Variants in GRM8 observed in about 807,000 individuals in gnomAD.
GRM8 encodes the protein glutamate metabotropic receptor 8.
In GRM8, 47 loss-of-function variants were observed where a neutral mutation model predicts 87.2. The observed-to-expected ratio is 0.54, with a 90% CI of 0.43 to 0.69. The LOEUF (loss-of-function observed/expected upper bound fraction) is 0.69. Among genes scored for constraint, GRM8 ranks in the 30% least tolerant of loss-of-function variants. The probability of loss-of-function intolerance (pLI) is 0.00; values close to 1 mark genes in which losing one functional copy is unlikely to be tolerated. For missense variants in GRM8, 1,019 were observed against 1,139.2 expected (o/e 0.89, Z 1.52); for synonymous variants, 396 against 404.5 (o/e 0.98, Z 0.25).
At chr7:126,444,377 T>C (rs1490044855) in intron 10 of GRM8, among the ~76,000 whole-genome samples, 4 of 152,114 alleles carry the variant, frequency 2.6e-5, no homozygotes, top group Admixed American at 2.0e-4. Flanking sequence ...TAATGATTTG[T>C]TACTAAAGCC....
At chr7:126,661,376 TTTATATCTTCTAATATAA>T (rs1308329231) in intron 7 of GRM8, among the ~76,000 whole-genome samples, 1 of 152,224 alleles carries the variant, frequency 6.6e-6, no homozygotes, top group Non-Finnish European at 1.5e-5. Context: ...AATTTGAATT[TTTATATCTTCTAATATAA>T]AACATATGTT....
intron 8 of GRM8, among the ~76,000 whole-genome samples, chr7:126,556,337 TAAAAA>T (rs3038820): frequency 2.7e-5 from 3 of 111,314 alleles, no homozygotes; most frequent in South Asian, 3.4e-4. Flanking sequence ...TTCTCCTCTT[TAAAAA>T]AAAAAAAAAA....
At chr7:126,967,817 T>C (rs955859903) in intron 3 of GRM8, among the ~76,000 whole-genome samples, 24 of 152,174 alleles carry the variant, frequency 1.6e-4, no homozygotes, top group Admixed American at 4.6e-4. Flanking sequence ...TTGAAAAGAA[T>C]AGTCCTCGCT....
At chr7:126,724,702 A>G (rs1417521912) in intron 7 of GRM8, among the ~76,000 whole-genome samples, 1 of 152,066 alleles carries the variant, frequency 6.6e-6, no homozygotes, top group Non-Finnish European at 1.5e-5. Flanking sequence ...ACATTTTAAA[A>G]TATGTGCCTG....
chr7:126,504,098 T>C (rs2150709745), intron 9 of GRM8, among the ~76,000 whole-genome samples: 1 of 152,206 alleles, frequency 6.6e-6, no homozygotes, highest in African/African-American at 2.4e-5. Flanking sequence ...CATCTCATTT[T>C]TCTCATGGAG....
chr7:126,745,582 G>A (rs1019040548), intron 7 of GRM8, among the ~76,000 whole-genome samples: 2 of 151,236 alleles, frequency 1.3e-5, no homozygotes, highest in Non-Finnish European at 3.0e-5. Context: ...GTATTACCTT[G>A]TACTTTGCTT....
chr7:127,211,330 G>A (rs577528379), intron 2 of GRM8, among the ~76,000 whole-genome samples: 25 of 152,302 alleles, frequency 1.6e-4, no homozygotes, highest in African/African-American at 5.8e-4. Context: ...TGATGTTTGA[G>A]GGCAGGAAGC....
At chr7:126,637,368 G>A (rs73225000) in intron 7 of GRM8, among the ~76,000 whole-genome samples, 14 of 152,192 alleles carry the variant, frequency 9.2e-5, no homozygotes, top group Non-Finnish European at 1.6e-4. Context: ...TTCTGGAGAT[G>A]AGTAGTAGTG....
intron 3 of GRM8, among the ~76,000 whole-genome samples, chr7:126,932,932 G>A (rs1805919720): frequency 6.6e-6 from 1 of 152,130 alleles, no homozygotes; most frequent in Admixed American, 6.6e-5. Context: ...GAGATCTCAG[G>A]TTGTGGAGTT....
chr7:127,210,564 C>T (rs1242704408), intron 2 of GRM8, among the ~76,000 whole-genome samples: 3 of 152,154 alleles, frequency 2.0e-5, no homozygotes, highest in African/African-American at 7.2e-5. Context: ...TAAATAATCT[C>T]TAAGATGTCT....
intron 8 of GRM8, among the ~76,000 whole-genome samples, chr7:126,576,842 A>G (rs1795157438): frequency 6.6e-6 from 1 of 152,156 alleles, no homozygotes; most frequent in South Asian, 2.1e-4. Flanking sequence ...TCAAAGTCTA[A>G]TTATAAACCA....
chr7:127,058,111 G>A lies in GRM8; in HGVS notation c.727+48385C>T, dbSNP rs780456699. Reference sequence around the variant, plus strand: ...GCGTTGTGACGTCTTACGTCATGATGTTGCGTCACCACGTGATGACGCTGT... The same window carrying A: ...GCGTTGTGACGTCTTACGTCATGATATTGCGTCACCACGTGATGACGCTGT... On this transcript the variant is annotated intron_variant, in intron 3 of 10. Transcript: ENST00000339582. The A allele has an allele frequency of 9.0e-5, 46 of 513,386 alleles. No individual in the cohort carries two copies. In the Admixed American group the frequency reaches 9.5e-4, roughly 11 times the overall value. The allele number at this position is 513,386 out of a possible 1,614,324, so 31.8% of individuals were successfully genotyped here. A position where few individuals can be genotyped will look rare whatever the true frequency, so the allele number is the denominator to read the frequency against.
intron 2 of GRM8, among the ~76,000 whole-genome samples, chr7:127,144,557 C>T (rs1828449891): frequency 6.6e-6 from 1 of 152,014 alleles, no homozygotes; most frequent in Admixed American, 6.6e-5. Flanking sequence ...AAAATCATGA[C>T]CATTGTTAAA....
intron 3 of GRM8, among the ~76,000 whole-genome samples, chr7:127,025,966 A>G (rs990444320): frequency 6.6e-6 from 1 of 152,014 alleles, no homozygotes; most frequent in African/African-American, 2.4e-5. Context: ...CTCATCATTT[A>G]CATTAGGTAT....
intron 9 of GRM8, among the ~76,000 whole-genome samples, chr7:126,467,315 T>C (rs2150540705): frequency 6.6e-6 from 1 of 152,156 alleles, no homozygotes; most frequent in South Asian, 2.1e-4. Context: ...AATCTTATCA[T>C]TATGAATGGC....
At position 126,458,436 on chromosome 7, in the gene GRM8, T is replaced by C. The variant is rs547754295; in HGVS notation, c.2431-12064A>G. On this transcript the variant is annotated intron_variant, in intron 9 of 10. Transcript: ENST00000339582. ...AATGCAAGATATAATCATTAAATTATGCAAAGAATATATATACACACATAC... is the reference window on the plus strand; with the variant it reads ...AATGCAAGATATAATCATTAAATTACGCAAAGAATATATATACACACATAC... Among the ~76,000 whole-genome samples, 6 of 151,314 alleles carry C rather than the reference T, an allele frequency of 4.0e-5. No individual in the cohort carries two copies. In the East Asian group the frequency reaches 1.2e-3, roughly 30 times the overall value.
At chr7:127,148,798 A>C (rs1227065256) in intron 2 of GRM8, among the ~76,000 whole-genome samples, 2 of 152,118 alleles carry the variant, frequency 1.3e-5, no homozygotes, top group African/African-American at 4.8e-5. Context: ...CAAACACAGC[A>C]TAGTAATTTT....
chr7:126,656,812 A>G (rs1350759382), intron 7 of GRM8, among the ~76,000 whole-genome samples: 3 of 152,114 alleles, frequency 2.0e-5, no homozygotes, highest in Non-Finnish European at 4.4e-5. Flanking sequence ...GTTTATCATT[A>G]ATAATAATAA....
intron 3 of GRM8, among the ~76,000 whole-genome samples, chr7:126,994,193 C>G (rs1033200898): frequency 3.3e-4 from 51 of 152,276 alleles, no homozygotes; most frequent in African/African-American, 1.2e-3. Flanking sequence ...AGGCCTGCAT[C>G]CTAGGCCCTA....
Sources: allele counts gnomAD v4.1 joint callset (sites outside exome capture counted in the v4.1 genomes callset), GRCh38; gene constraint gnomAD v4.1.1; transcripts MANE v1.5; gene names NCBI Gene and HGNC (gene_info 2026-07-23, HGNC 2026-07-21).